ANO3: variants seen among roughly 807,000 people sequenced by gnomAD.
ANO3 encodes the protein anoctamin-3.
Under a neutral mutation model 144.8 loss-of-function variants are expected in ANO3, and 99 were observed. The ratio of observed to expected loss-of-function variants is 0.68; its 90% confidence interval spans 0.58 to 0.81. The LOEUF is 0.81. ANO3 is among the 30% of genes least tolerant of loss of function. The probability of loss-of-function intolerance (pLI) is 0.00; values close to 1 mark genes in which losing one functional copy is unlikely to be tolerated. For missense variants in ANO3, 905 were observed against 1,202.2 expected, an observed-to-expected ratio of 0.75 and a Z score of 3.66; for synonymous variants, 414 against 392.6, an observed-to-expected ratio of 1.05 and a Z score of -0.64.
At chr11:26,558,309 T>C (rs1850149299) in intron 13 of ANO3, among the ~76,000 whole-genome samples, 1 of 152,146 alleles carries the variant, frequency 6.6e-6, no homozygotes, top group East Asian at 1.9e-4. Flanking sequence ...TAAATCCCCA[T>C]GTGTAAAGTC....
In ANO3 at chr11:26,508,130, T is replaced by G. The variant is rs769137024; in HGVS notation, c.459T>G (p.Ser153Arg). The G allele has an allele frequency of 2.5e-6, 4 of 1,593,792 alleles. No homozygotes were observed. Among genetic ancestry groups the G allele is most frequent in the Non-Finnish European group, 2.6e-6 (3 of 1,173,538 alleles). The change falls in exon 5 of 27, where the codon AGT (serine) becomes AGG (arginine). Residue 153 changes from serine to arginine, a missense_variant. By Grantham distance (110) the Ser-to-Arg change is moderately radical. This residue lies in a region of ANO3 where 63 missense variants were observed against 107.3 expected (regional missense o/e 0.59). Coordinates refer to ENST00000256737, the MANE Select transcript of ANO3 (RefSeq NM_031418.4). ...SKNDMNYIAS[S>R]GPLFKDGKKR... is the part of the protein sequence containing the mutation. ...ATGACATGAATTACATAGCATCCAG[T>G]GGACCTCTGTTCAAAGATGGCAAAA...
In ANO3 at chr11:26,660,475, C is replaced by T. The variant is rs1234836476; in HGVS notation, c.*31C>T. 3 of 1,549,242 alleles carry T rather than the reference C, an allele frequency of 1.9e-6. No homozygotes were observed. The highest frequency in any genetic ancestry group is 1.4e-5 in the African/African-American group (1 of 72,070). On this transcript the variant is annotated 3_prime_UTR_variant, in exon 27 of 27. Coordinates refer to ENST00000256737, the MANE Select transcript of ANO3 (RefSeq NM_031418.4). Reference sequence around the variant, plus strand: ...ACCTGTTACCCATTAGGGGTGATAACATTAATGGGAAGAAATGATGGCAAC... The same window carrying T: ...ACCTGTTACCCATTAGGGGTGATAATATTAATGGGAAGAAATGATGGCAAC...
chr11:26,590,281 C>T (rs1331808664), intron 14 of ANO3, among the ~76,000 whole-genome samples: 4 of 152,106 alleles, frequency 2.6e-5, no homozygotes, highest in Non-Finnish European at 2.9e-5. Flanking sequence ...CCTTTTATGG[C>T]GATTATTCCT....
At chr11:26,611,082 CTG>C (rs963738100) in intron 17 of ANO3, among the ~76,000 whole-genome samples, 6 of 152,000 alleles carry the variant, frequency 3.9e-5, no homozygotes, top group South Asian at 2.1e-4. Flanking sequence ...TTCAATAAAA[CTG>C]TTAATTTTGT....
intron 17 of ANO3, among the ~76,000 whole-genome samples, chr11:26,600,926 C>A (rs748181866): frequency 1.4e-4 from 21 of 151,962 alleles, no homozygotes; most frequent in Non-Finnish European, 2.8e-4. Flanking sequence ...ACTTGTGGAC[C>A]AAATATCCAT....
intron 18 of ANO3, among the ~76,000 whole-genome samples, chr11:26,627,631 T>G (rs1852628996): frequency 6.6e-6 from 1 of 152,078 alleles, no homozygotes; most frequent in African/African-American, 2.4e-5. Flanking sequence ...TACTTAATAG[T>G]AGGAAACAGA....
intron 2 of ANO3, among the ~76,000 whole-genome samples, chr11:26,443,276 T>C (rs1361568671): frequency 6.6e-6 from 1 of 152,144 alleles, no homozygotes; most frequent in Non-Finnish European, 1.5e-5. Flanking sequence ...TATTAAAACA[T>C]AATATAGGTG....
At chr11:26,201,342 AC>A (rs1443515878) in intron 1 of ANO3, among the ~76,000 whole-genome samples, 1 of 152,136 alleles carries the variant, frequency 6.6e-6, no homozygotes, top group Non-Finnish European at 1.5e-5. Flanking sequence ...AATATCTAAA[AC>A]TTTTATATTC....
chr11:26,326,969 A>G (rs1854900892), intron 1 of ANO3, among the ~76,000 whole-genome samples: 1 of 152,234 alleles, frequency 6.6e-6, no homozygotes, highest in Non-Finnish European at 1.5e-5. Context: ...TTATGTTGTC[A>G]AACCAGTACA....
intron 4 of ANO3, among the ~76,000 whole-genome samples, chr11:26,504,869 G>A (rs1044766247): frequency 2.3e-4 from 35 of 152,030 alleles, no homozygotes; most frequent in African/African-American, 5.8e-4. Context: ...AAAATTAGCC[G>A]GGCGTGGTGG....
intron 4 of ANO3, among the ~76,000 whole-genome samples, chr11:26,465,552 T>C (rs180816396): frequency 4.0e-5 from 6 of 151,728 alleles, no homozygotes; most frequent in Non-Finnish European, 7.4e-5. Context: ...AACTACATAG[T>C]GAGTAATAAC....
At chr11:26,622,283 A>G (rs1313662395) in intron 17 of ANO3, among the ~76,000 whole-genome samples, 1 of 152,116 alleles carries the variant, frequency 6.6e-6, no homozygotes, top group Non-Finnish European at 1.5e-5. Context: ...CTAAGTTTGC[A>G]GAGTGGCTCT....
chr11:26,410,396 A>C (rs371074492), intron 1 of ANO3, among the ~76,000 whole-genome samples: 3 of 152,160 alleles, frequency 2.0e-5, no homozygotes, highest in African/African-American at 7.2e-5. Flanking sequence ...GAAAGTATAC[A>C]CTGAGTAGTT....
chr11:26,619,400 G>C (rs932355799), intron 17 of ANO3, among the ~76,000 whole-genome samples: 1 of 152,096 alleles, frequency 6.6e-6, no homozygotes, highest in Non-Finnish European at 1.5e-5. Flanking sequence ...ATTTAAAATA[G>C]TATTTCCTAT....
At chr11:26,439,474 G>A (rs1213569486) in intron 1 of ANO3, among the ~76,000 whole-genome samples, 1 of 152,164 alleles carries the variant, frequency 6.6e-6, no homozygotes, top group Non-Finnish European at 1.5e-5. Context: ...GAGGAAATGG[G>A]GATCGGCTGC....
At chr11:26,469,036 AAGTCTCCTTTTCAATC>A (rs1859690240) in intron 4 of ANO3, among the ~76,000 whole-genome samples, 1 of 151,882 alleles carries the variant, frequency 6.6e-6, no homozygotes, top group Non-Finnish European at 1.5e-5. Flanking sequence ...TAACATTAAG[AAGTCTCCTTTTCAATC>A]AGTCCAAAGT....
At position 26,425,968 on chromosome 11, in the gene ANO3, G is replaced by T. The variant is rs148947859; in HGVS notation, c.47-15950G>T. ...ATTCCCTCTGTGCCTACTTATCTGT[G>T]TGATATGTTACTTTTCCCGTGTAGT... is the stretch of plus-strand genomic sequence containing the variant. On this transcript the variant is annotated intron_variant, in intron 1 of 26. Coordinates refer to ENST00000256737, the MANE Select transcript of ANO3 (RefSeq NM_031418.4). 9.6e-4 allele frequency among the ~76,000 whole-genome samples: 146 copies of T among 152,204 alleles called. 2 individuals carry two copies. In the East Asian group the frequency reaches 0.025, roughly 26 times the overall value.
intron 1 of ANO3, among the ~76,000 whole-genome samples, chr11:26,219,083 T>A (rs1269330807): frequency 6.6e-6 from 1 of 152,112 alleles, no homozygotes; most frequent in Non-Finnish European, 1.5e-5. Context: ...TTTAGTAACA[T>A]CCCTGGAACC....
At chr11:26,526,648 A>C (rs776560951) in intron 7 of ANO3, among the ~76,000 whole-genome samples, 1 of 152,176 alleles carries the variant, frequency 6.6e-6, no homozygotes, top group Non-Finnish European at 1.5e-5. Context: ...TGTTTTAAGC[A>C]TTAATTTTAG....
Sources: gnomAD v4.1 joint callset for allele counts (sites outside exome capture counted in the v4.1 genomes callset) on GRCh38, gnomAD v4.1.1 for gene constraint, gnomAD v4.1.1 regional missense constraint, MANE v1.5 for transcripts, NCBI Gene and HGNC (gene_info 2026-07-23, HGNC 2026-07-21) for gene names.